Variants in THSD7B observed in about 807,000 individuals in gnomAD.
The protein encoded by THSD7B is thrombospondin type 1 domain containing 7B, also known as thrombospondin type-1 domain-containing protein 7B.
THSD7B carries 138 observed loss-of-function variants against 213.6 expected under a neutral mutation model. The observed-to-expected ratio is 0.65, with a 90% CI of 0.56 to 0.74. The LOEUF (loss-of-function observed/expected upper bound fraction) is 0.74, where lower values mean the gene tolerates loss of function less well. Ranked by LOEUF, THSD7B falls within the 30% of genes least tolerant of loss-of-function variation. The pLI is 0.00. For missense variants in THSD7B, 1,931 were observed against 1,991.5 expected, an observed-to-expected ratio of 0.97 and a Z score of 0.58; for synonymous variants, 742 against 687.0, an observed-to-expected ratio of 1.08 and a Z score of -1.25.
chr2:136,956,772 C>T (rs935166684), intron 2 of THSD7B, among the ~76,000 whole-genome samples: 8 of 151,710 alleles, frequency 5.3e-5, no homozygotes, highest in African/African-American at 1.5e-4. Context: ...CTCTGCCTCC[C>T]GGGTTCAAGT....
rs749980901 is a variant in THSD7B at position 137,480,870 on chromosome 2, T to G, written c.3138+29847T>G. Among the ~76,000 whole-genome samples, 4 of 152,398 alleles carry G rather than the reference T, an allele frequency of 2.6e-5. No individual in the cohort carries two copies. In the South Asian group the frequency reaches 8.3e-4, roughly 32 times the overall value. On this transcript the variant is annotated intron_variant, in intron 15 of 27. Coordinates refer to ENST00000409968, the MANE Select transcript of THSD7B (RefSeq NM_001316349.2). The stretch of plus-strand genomic sequence containing the variant: ...TTTTTCCCAGAAGCACGAAGTGCTA[T>G]GTACTTCTGCTATGTTTGTGTCTCC...
chr2:137,606,305 C>T (rs974678686), intron 17 of THSD7B, among the ~76,000 whole-genome samples: 6 of 152,118 alleles, frequency 3.9e-5, no homozygotes, highest in African/African-American at 1.2e-4. Flanking sequence ...GGACCTAGAT[C>T]GAAGTCCCAT....
At chr2:137,365,128 C>A (rs1162168488) in intron 12 of THSD7B, among the ~76,000 whole-genome samples, 2 of 152,140 alleles carry the variant, frequency 1.3e-5, no homozygotes, top group Non-Finnish European at 1.5e-5. Flanking sequence ...ATGACAAAAA[C>A]AAGAAATGAG....
chr2:137,096,660 G>C (rs777229048), intron 4 of THSD7B, among the ~76,000 whole-genome samples: 48 of 152,128 alleles, frequency 3.2e-4, no homozygotes, highest in Admixed American at 2.0e-4. Context: ...ACTAATTTTG[G>C]AGTAAAACAG....
chr2:137,270,356 T>C (rs1195343226), intron 10 of THSD7B, among the ~76,000 whole-genome samples: 2 of 152,080 alleles, frequency 1.3e-5, no homozygotes, highest in Non-Finnish European at 2.9e-5. Context: ...AGAGGGAATC[T>C]AGGGGGAACA....
intron 7 of THSD7B, among the ~76,000 whole-genome samples, chr2:137,190,715 A>G (rs980945366): frequency 6.6e-6 from 1 of 152,182 alleles, no homozygotes; most frequent in East Asian, 1.9e-4. Flanking sequence ...ATCTAACACT[A>G]TAATTCAGAG....
chr2:137,248,619 A>T lies in THSD7B; in HGVS notation c.2266+6047A>T, dbSNP rs1358447292. ...TTTGCCCACTCAAATACATACAAGC[A>T]CTAACTTGCCTCTTTACTTTCCCCT... On this transcript the variant is annotated intron_variant, in intron 10 of 27. Transcript: ENST00000409968. 2.6e-5 allele frequency among the ~76,000 whole-genome samples: 4 copies of T among 152,110 alleles called. No individual in the cohort carries two copies. In the East Asian group the frequency reaches 7.7e-4, roughly 29 times the overall value.
At chr2:137,253,036 A>G (rs1682224643) in intron 10 of THSD7B, among the ~76,000 whole-genome samples, 1 of 151,294 alleles carries the variant, frequency 6.6e-6, no homozygotes, top group East Asian at 1.9e-4. Flanking sequence ...GTAGAATAAC[A>G]CCTTCATGTG....
chr2:137,179,638 A>G (rs1042146543), intron 7 of THSD7B, among the ~76,000 whole-genome samples: 3 of 151,752 alleles, frequency 2.0e-5, no homozygotes, highest in Non-Finnish European at 4.4e-5. Context: ...TTTTTACTTA[A>G]TCTTATAATC....
In THSD7B at chr2:137,346,436, A is replaced by G. The variant is rs150157737; in HGVS notation, c.2501-59177A>G. 9.2e-3 allele frequency among the ~76,000 whole-genome samples: 1,399 copies of G among 151,380 alleles called. 32 individuals carry two copies. Among genetic ancestry groups the G allele is most frequent in the African/African-American group, 0.032 (1,318 of 41,374 alleles). The stretch of plus-strand genomic sequence containing the variant: ...ATTTTCTTCTTTAATATGGCTGCAT[A>G]ATGTTTAATTTAATAAGGCTGTGCA... On this transcript the variant is annotated intron_variant, in intron 12 of 27. Transcript: ENST00000409968.
intron 12 of THSD7B, among the ~76,000 whole-genome samples, chr2:137,306,875 A>C (rs995912659): frequency 6.6e-6 from 1 of 152,102 alleles, no homozygotes; most frequent in Admixed American, 6.6e-5. Context: ...TTCCTTTTAC[A>C]AAAAATATGA....
intron 15 of THSD7B, among the ~76,000 whole-genome samples, chr2:137,494,315 T>C (rs1219111202): frequency 1.3e-5 from 2 of 152,136 alleles, no homozygotes; most frequent in Admixed American, 6.5e-5. Flanking sequence ...ATTCATAAGA[T>C]TCAGGAGAGC....
intron 14 of THSD7B, among the ~76,000 whole-genome samples, chr2:137,416,446 G>A (rs1195684088): frequency 6.6e-6 from 1 of 152,066 alleles, no homozygotes; most frequent in African/African-American, 2.4e-5. Flanking sequence ...CCGCTCTTGT[G>A]TTTTTTTGTA....
intron 1 of THSD7B, among the ~76,000 whole-genome samples, chr2:136,788,365 G>A (rs1358558324): frequency 6.6e-6 from 1 of 152,124 alleles, no homozygotes; most frequent in Non-Finnish European, 1.5e-5. Flanking sequence ...AGTGTGCTGG[G>A]ACTTTTAAGT....
chr2:137,438,675 C>A (rs974826974), intron 14 of THSD7B, among the ~76,000 whole-genome samples: 1 of 151,966 alleles, frequency 6.6e-6, no homozygotes, highest in Non-Finnish European at 1.5e-5. Flanking sequence ...GGGATATAAG[C>A]CTAGGTCAGC....
chr2:137,364,888 T>G (rs1340102192), intron 12 of THSD7B, among the ~76,000 whole-genome samples: 1 of 152,146 alleles, frequency 6.6e-6, no homozygotes, highest in African/African-American at 2.4e-5. Flanking sequence ...TGGAAAAAAC[T>G]ACTTTAAAGT....
intron 3 of THSD7B, among the ~76,000 whole-genome samples, chr2:137,081,410 G>A (rs1199716272): frequency 6.6e-6 from 1 of 151,280 alleles, no homozygotes; most frequent in African/African-American, 2.4e-5. Flanking sequence ...TGTATTTTTG[G>A]TACTTTCCTT....
chr2:137,082,170 T>G (rs1034461762), intron 3 of THSD7B, among the ~76,000 whole-genome samples: 3 of 152,140 alleles, frequency 2.0e-5, no homozygotes, highest in Non-Finnish European at 4.4e-5. Context: ...CATCTAAGTC[T>G]TTTACTCCTC....
chr2:136,796,675 A>G (rs1020596027), intron 1 of THSD7B, among the ~76,000 whole-genome samples: 1 of 151,918 alleles, frequency 6.6e-6, no homozygotes, highest in African/African-American at 2.4e-5. Flanking sequence ...CTTCTTATCA[A>G]TTCTGGGAGT....
Sources: allele counts gnomAD v4.1 joint callset (sites outside exome capture counted in the v4.1 genomes callset), GRCh38; gene constraint gnomAD v4.1.1; transcripts MANE v1.5; gene names NCBI Gene and HGNC (gene_info 2026-07-23, HGNC 2026-07-21).